Variants in RIN3 observed in about 807,000 individuals in gnomAD.
RIN3 encodes RAB5 interacting protein 3.
Under a neutral mutation model 76.3 loss-of-function variants are expected in RIN3, and 54 were observed. That is an observed-to-expected ratio of 0.71 (90% confidence interval 0.57 to 0.89). The LOEUF (loss-of-function observed/expected upper bound fraction) is 0.89. RIN3 is among the 40% of genes least tolerant of loss of function. The pLI is 0.00. For synonymous variants in RIN3, 576 were observed against 564.0 expected, an observed-to-expected ratio of 1.02 and a Z score of -0.30; for missense variants, 1,256 against 1,322.1, an observed-to-expected ratio of 0.95 and a Z score of 0.78.
chr14:92,549,236 G>T (rs971394540), intron 1 of RIN3, among the ~76,000 whole-genome samples: 1 of 152,140 alleles, frequency 6.6e-6, no homozygotes, highest in Non-Finnish European at 1.5e-5. Context: ...GGGTAGTGAC[G>T]GCCTTTTCCG....
intron 2 of RIN3, among the ~76,000 whole-genome samples, chr14:92,575,350 C>G (rs930588032): frequency 6.6e-6 from 1 of 152,060 alleles, no homozygotes; most frequent in Non-Finnish European, 1.5e-5. Context: ...AGAGAAGGTT[C>G]TTGGATCTGA....
At chr14:92,612,301 CAG>C (rs139917820) in intron 3 of RIN3, among the ~76,000 whole-genome samples, 33,446 of 152,160 alleles carry the variant, frequency 0.22, 4,107 homozygotes, top group South Asian at 0.33. Flanking sequence ...CAGTACAGGA[CAG>C]GGGGCAGTCT....
intron 1 of RIN3, among the ~76,000 whole-genome samples, chr14:92,536,525 C>T (rs1205039539): frequency 1.3e-5 from 2 of 151,992 alleles, no homozygotes; most frequent in Non-Finnish European, 2.9e-5. Context: ...GGGCAGATCA[C>T]GAGGTCAGGA....
At chr14:92,671,523 G>C (rs567670295) in intron 7 of RIN3, among the ~76,000 whole-genome samples, 1 of 152,306 alleles carries the variant, frequency 6.6e-6, no homozygotes, top group African/African-American at 2.4e-5. Flanking sequence ...AGTTGGAGGA[G>C]GCAGATCTTG....
At chr14:92,547,946 T>G (rs1897326052) in intron 1 of RIN3, among the ~76,000 whole-genome samples, 1 of 152,102 alleles carries the variant, frequency 6.6e-6, no homozygotes, top group South Asian at 2.1e-4. Flanking sequence ...TCAGGTGATC[T>G]GCCCGCCTTG....
Position 92,562,795 on chromosome 14 carries a change from G to A in RIN3, c.249+6840G>A, listed in dbSNP as rs143287693. Among the ~76,000 whole-genome samples, 786 of 152,202 alleles carry A rather than the reference G, an allele frequency of 5.2e-3. 8 individuals are homozygous for A. Among genetic ancestry groups the A allele is most frequent in the African/African-American group, 0.018 (744 of 41,518 alleles). Reference sequence around the variant, plus strand: ...TCAGCCATTTCTCCAAGAAGCCGTCGTTCCTTTTATAGGGAATGATATTAG... The same window carrying A: ...TCAGCCATTTCTCCAAGAAGCCGTCATTCCTTTTATAGGGAATGATATTAG... On this transcript the variant is annotated intron_variant, in intron 2 of 9. Transcript: ENST00000216487.
In RIN3 at chr14:92,656,772, C is replaced by T. The variant is rs1366874089; in HGVS notation, c.2027-2389C>T. ...GAGATGGAGAGAAGGGCCCTTCAGC[C>T]TTTGGGAACAGGGTCAGCATCCACA... is the stretch of plus-strand genomic sequence containing the variant. On this transcript the variant is annotated intron_variant, in intron 6 of 9. Coordinates refer to ENST00000216487, the MANE Select transcript of RIN3 (RefSeq NM_024832.5). The surrounding 1 kb of genome is among the most constrained non-coding windows in gnomAD (Gnocchi z 5.2). Among the ~76,000 whole-genome samples the T allele has an allele frequency of 3.3e-5, 5 of 152,206 alleles. No homozygotes were observed. The highest frequency in any genetic ancestry group is 1.3e-4 in the Admixed American group (2 of 15,284).
chr14:92,592,540 C>A (rs564179263), intron 3 of RIN3, among the ~76,000 whole-genome samples: 1 of 151,904 alleles, frequency 6.6e-6, no homozygotes, highest in African/African-American at 2.4e-5. Context: ...AACCTATGCA[C>A]ACCCTCCTGT....
In RIN3 at chr14:92,681,207, G is replaced by C. The variant is rs191868865; in HGVS notation, c.2468-3780G>C. ...CCAATCAACGCATTCGCCCCAGAGAGAAAAGCCTGCTCCAGAACTCACGGT... is the reference window on the plus strand; with the variant it reads ...CCAATCAACGCATTCGCCCCAGAGACAAAAGCCTGCTCCAGAACTCACGGT... On this transcript the variant is annotated intron_variant, in intron 8 of 9. Coordinates refer to ENST00000216487, the MANE Select transcript of RIN3 (RefSeq NM_024832.5). This position sits in a 1 kb window ranked among gnomAD's most constrained non-coding sequence, Gnocchi z 4.7. Among the ~76,000 whole-genome samples the C allele has an allele frequency of 6.6e-6, 1 of 152,186 alleles. No homozygotes were observed. The highest frequency in any genetic ancestry group is 2.4e-5 in the African/African-American group (1 of 41,434).
chr14:92,645,516 T>A (rs1887163997), intron 5 of RIN3, among the ~76,000 whole-genome samples: 1 of 152,160 alleles, frequency 6.6e-6, no homozygotes, highest in Non-Finnish European at 1.5e-5. Flanking sequence ...AAAGACCACA[T>A]ATGCTACAGT....
chr14:92,613,557 T>G (rs1274171016), intron 3 of RIN3, among the ~76,000 whole-genome samples: 3 of 152,186 alleles, frequency 2.0e-5, no homozygotes, highest in Non-Finnish European at 4.4e-5. Context: ...AACATGTTGG[T>G]TCGCGTATCA....
intron 7 of RIN3, among the ~76,000 whole-genome samples, chr14:92,672,099 G>T (rs1270975498): frequency 6.6e-5 from 10 of 152,160 alleles, no homozygotes; most frequent in Admixed American, 2.0e-4. Context: ...CAGGAGTGCT[G>T]TTACTTTGAA....
At chr14:92,615,711 C>A in intron 4 of RIN3, 1 of 528,346 alleles carries the variant, frequency 1.9e-6, no homozygotes, top group Non-Finnish European at 3.4e-6. Context: ...CTCTGGCTCA[C>A]GGCCTGTCTC....
chr14:92,591,616 G>A (rs1473972481), intron 3 of RIN3, among the ~76,000 whole-genome samples: 1 of 151,470 alleles, frequency 6.6e-6, no homozygotes, highest in Non-Finnish European at 1.5e-5. Flanking sequence ...GCCTATAGAG[G>A]AACAAAGATA....
chr14:92,639,469 C>T (rs1886904521), intron 4 of RIN3, among the ~76,000 whole-genome samples: 1 of 152,194 alleles, frequency 6.6e-6, no homozygotes, highest in Non-Finnish European at 1.5e-5. Context: ...CTTCAGAGAA[C>T]AGGGCAGGTG....
At chr14:92,675,358 T>C (rs1450736921) in intron 7 of RIN3, among the ~76,000 whole-genome samples, 1 of 152,252 alleles carries the variant, frequency 6.6e-6, no homozygotes, top group Non-Finnish European at 1.5e-5. Flanking sequence ...CCTAAATCCT[T>C]TGTAAACATG....
intron 6 of RIN3, among the ~76,000 whole-genome samples, chr14:92,654,342 A>G (rs1050373964): frequency 6.6e-6 from 1 of 152,052 alleles, no homozygotes; most frequent in Non-Finnish European, 1.5e-5. Context: ...GAAAAGAAAA[A>G]AAATACATTC....
chr14:92,669,160 A>G (rs778418242), intron 7 of RIN3, among the ~76,000 whole-genome samples: 5 of 152,234 alleles, frequency 3.3e-5, no homozygotes, highest in Admixed American at 6.5e-5. Flanking sequence ...ACTATAGACC[A>G]GGTACCGCTG....
At chr14:92,660,643 C>G (rs1887848194) in intron 7 of RIN3, among the ~76,000 whole-genome samples, 1 of 152,254 alleles carries the variant, frequency 6.6e-6, no homozygotes, top group Non-Finnish European at 1.5e-5. Flanking sequence ...CATGATGTCA[C>G]TCTGATGCCT....
Sources: gnomAD v4.1 joint callset for allele counts (sites outside exome capture counted in the v4.1 genomes callset) on GRCh38, gnomAD v4.1.1 for gene constraint, Gnocchi (gnomAD v3.1) non-coding constraint, MANE v1.5 for transcripts, NCBI Gene and HGNC (gene_info 2026-07-23, HGNC 2026-07-21) for gene names.